PKHD1: variants seen among roughly 807,000 people sequenced by gnomAD.
The protein encoded by PKHD1 is fibrocystin.
Under a neutral mutation model 412.0 loss-of-function variants are expected in PKHD1, and 291 were observed. The observed-to-expected ratio is 0.71, with a 90% CI of 0.64 to 0.78. PKHD1 has a LOEUF of 0.78. Ranked by LOEUF, PKHD1 falls within the 30% of genes least tolerant of loss-of-function variation. The pLI, the probability that PKHD1 is intolerant of heterozygous loss-of-function variation, is 0.00. For missense variants in PKHD1, 4,825 were observed against 4,950.7 expected (o/e 0.97, Z 0.76); for synonymous variants, 1,777 against 1,821.5 (o/e 0.98, Z 0.62).
chr6:51,944,407 C>G (rs1789109292), intron 36 of PKHD1, among the ~76,000 whole-genome samples: 1 of 152,222 alleles, frequency 6.6e-6, no homozygotes, highest in African/African-American at 2.4e-5. Flanking sequence ...TTGGTGGTCT[C>G]TTCGCATGGA....
At chr6:51,712,211 A>G (rs559645952) in intron 60 of PKHD1, among the ~76,000 whole-genome samples, 12 of 152,208 alleles carry the variant, frequency 7.9e-5, no homozygotes, top group Admixed American at 2.0e-4. Context: ...ATAGGCCCCA[A>G]ATTTCAAAAG....
intron 50 of PKHD1, among the ~76,000 whole-genome samples, chr6:51,842,233 A>G (rs1213377236): frequency 6.6e-6 from 1 of 152,166 alleles, no homozygotes; most frequent in African/African-American, 2.4e-5. Flanking sequence ...ACAATGTCCC[A>G]GCTCGGCTGC....
Position 51,659,317 on chromosome 6 carries a change from G to A in PKHD1, c.10809C>T (p.Gly3603=), listed in dbSNP as rs760590505. 2.5e-6 allele frequency: 4 copies of A among 1,613,788 alleles called. No individual in the cohort carries two copies. In the Admixed American group the frequency reaches 5.0e-5, roughly 20 times the overall value. The change falls in exon 61 of 67, where the codon GGC becomes GGT. Residue 3603 remains glycine, a synonymous_variant. Transcript: ENST00000371117. Reference sequence around the variant, plus strand: ...CAATGGCCTTTAAGGTCTCTTCATGGCCAGGCATCTCGTGAATAAACCTGA... The same window carrying A: ...CAATGGCCTTTAAGGTCTCTTCATGACCAGGCATCTCGTGAATAAACCTGA... ...NQIRFIHEMP[G]HEETLKAIAD...
chr6:51,872,875 C>CTTTTT (rs33953182), intron 46 of PKHD1, among the ~76,000 whole-genome samples: 1 of 81,492 alleles, frequency 1.2e-5, no homozygotes, highest in African/African-American at 5.2e-5. Context: ...CCATCGTTTC[C>CTTTTT]TTTTTTTTTT....
chr6:52,024,445 G>A lies in PKHD1; in HGVS notation c.5236+129C>T, dbSNP rs1281438229. ...CAAGCCTCAGGAAGGAATTGGGATT[G>A]TAAGAAGCCAGTGGGCTTCTCTTTC... On this transcript the variant is annotated intron_variant, in intron 32 of 66. Transcript: ENST00000371117. 4 of 866,880 alleles carry A rather than the reference G, an allele frequency of 4.6e-6. No homozygotes were observed. The Admixed American group carries it at 5.4e-5, about 12-fold the overall frequency. 53.7% of individuals were successfully genotyped at this position (866,880 alleles called of 1,614,324 possible). A position where few individuals can be genotyped will look rare whatever the true frequency, so the allele number is the denominator to read the frequency against.
At chr6:51,624,781 G>C (rs959376259) in intron 66 of PKHD1, among the ~76,000 whole-genome samples, 4 of 152,158 alleles carry the variant, frequency 2.6e-5, no homozygotes, top group Non-Finnish European at 5.9e-5. Context: ...CCATGTTACT[G>C]ATGAGGACAC....
chr6:52,043,225 C>A (rs1805217629), intron 26 of PKHD1, 91 bp from the exon 27 acceptor site: 11 of 1,013,116 alleles, frequency 1.1e-5, no homozygotes, highest in Non-Finnish European at 1.6e-5. Context: ...ATCAAATGTT[C>A]CTTCTCTGCC....
chr6:52,082,319 T>C, intron 4 of PKHD1, 73 bp downstream of exon 4: 1 of 1,488,528 alleles, frequency 6.7e-7, no homozygotes, highest in Non-Finnish European at 9.4e-7. Context: ...TGCTCTAATA[T>C]GTCACCAAAA....
At chr6:51,774,597 C>CTTAA (rs1456621100) in intron 54 of PKHD1, among the ~76,000 whole-genome samples, 1 of 151,832 alleles carries the variant, frequency 6.6e-6, no homozygotes, top group East Asian at 1.9e-4. Flanking sequence ...CCTTTGGAAA[C>CTTAA]TTAAAGTGCT....
intron 52 of PKHD1, among the ~76,000 whole-genome samples, chr6:51,817,698 A>ACTCG (rs995585061): frequency 3.3e-5 from 5 of 152,098 alleles, no homozygotes; most frequent in Admixed American, 2.6e-4. Context: ...TCATTCACTC[A>ACTCG]CTCGCTCACT....
chr6:51,956,612 A>G (rs1248594769), intron 36 of PKHD1, among the ~76,000 whole-genome samples: 1 of 152,074 alleles, frequency 6.6e-6, no homozygotes, highest in Non-Finnish European at 1.5e-5. Context: ...TAAATTGATA[A>G]TATACCATGT....
chr6:51,638,394 A>C (rs911014840), intron 64 of PKHD1, among the ~76,000 whole-genome samples: 3 of 152,174 alleles, frequency 2.0e-5, no homozygotes, highest in East Asian at 1.9e-4. Context: ...GAACTGGATC[A>C]GATATGCAAT....
rs765406968 is a variant in PKHD1, at chr6:52,072,198, A to T, written c.528-9T>A. 4.1e-5 allele frequency: 60 copies of T among 1,449,738 alleles called. No homozygotes were observed. The Admixed American group carries it at 4.2e-4, about 10-fold the overall frequency. 89.8% of individuals were successfully genotyped at this position (1,449,738 alleles called of 1,614,324 possible). A position where few individuals can be genotyped will look rare whatever the true frequency, so the allele number is the denominator to read the frequency against. ...CTTCCAAGATCACTGGGCTGGATTT[A>T]AAAAAAAATGAAAACAAAAGACAAG... On this transcript the variant is annotated splice_polypyrimidine_tract_variant and intron_variant, in intron 7 of 66. Coordinates refer to ENST00000371117, the MANE Select transcript of PKHD1 (RefSeq NM_138694.4).
intron 46 of PKHD1, among the ~76,000 whole-genome samples, chr6:51,880,766 T>TA (rs1170519643): frequency 0.44 from 8,574 of 19,312 alleles, 1,663 homozygotes; most frequent in East Asian, 0.65. Context: ...TAGAGTATAA[T>TA]AAAAAAAAAA....
At chr6:51,896,216 G>A (rs572583727) in intron 43 of PKHD1, among the ~76,000 whole-genome samples, 198 of 150,074 alleles carry the variant, frequency 1.3e-3, no homozygotes, top group African/African-American at 4.8e-3. Context: ...CTGGGGGCAG[G>A]GCACAGACAA....
chr6:51,873,215 CA>C (rs1776280024), intron 46 of PKHD1, among the ~76,000 whole-genome samples: 1 of 152,046 alleles, frequency 6.6e-6, no homozygotes, highest in Non-Finnish European at 1.5e-5. Context: ...ATGCTTATAG[CA>C]TTATTATTTG....
intron 61 of PKHD1, among the ~76,000 whole-genome samples, chr6:51,651,196 A>T (rs1335295671): frequency 1.3e-5 from 2 of 152,178 alleles, no homozygotes; most frequent in Non-Finnish European, 1.5e-5. Context: ...GTTAAATGTA[A>T]ACAGCATCTC....
chr6:51,656,679 A>G (rs199785923), intron 61 of PKHD1, among the ~76,000 whole-genome samples: 2 of 97,262 alleles, frequency 2.1e-5, no homozygotes, highest in African/African-American at 6.3e-5. Context: ...TTTTTTTTTT[A>G]AGACAGTATC....
At chr6:51,763,264 T>C (rs1788354616) in intron 55 of PKHD1, among the ~76,000 whole-genome samples, 1 of 152,072 alleles carries the variant, frequency 6.6e-6, no homozygotes, top group African/African-American at 2.4e-5. Context: ...CATTGAAAGA[T>C]TTAAATGAGA....
Sources: gnomAD v4.1 joint callset for allele counts (sites outside exome capture counted in the v4.1 genomes callset) on GRCh38, gnomAD v4.1.1 for gene constraint, MANE v1.5 for transcripts, NCBI Gene and HGNC (gene_info 2026-07-23, HGNC 2026-07-21) for gene names.